The following MTMR3 variants were observed in gnomAD, a reference collection of about 807,000 sequenced individuals.
MTMR3 encodes myotubularin related protein 3, also known as phosphatidylinositol-3,5-bisphosphate 3-phosphatase MTMR3.
A neutral mutation model predicts 132.4 loss-of-function variants in MTMR3; 32 were observed. The ratio of observed to expected loss-of-function variants is 0.24; its 90% CI spans 0.18 to 0.32. The LOEUF is 0.32. Among genes scored for constraint, MTMR3 ranks in the 10% least tolerant of loss-of-function variants. The pLI, the probability that MTMR3 is intolerant of heterozygous loss-of-function variation, is 1.00. For synonymous variants in MTMR3, 556 were observed against 550.3 expected (o/e 1.01, Z -0.14); for missense variants, 1,216 against 1,489.6 (o/e 0.82, Z 3.02).
Position 30,020,347 on chromosome 22 carries a change from G to T in MTMR3, c.2688G>T (p.Gly896=). 1.9e-6 allele frequency: 3 copies of T among 1,614,216 alleles called. No individual in the cohort carries two copies. Among genetic ancestry groups the T allele is most frequent in the Non-Finnish European group, 2.5e-6 (3 of 1,180,036 alleles). ...GCCTGGTCGAGAGGCCCCAAGTGGG[G>T]TCTGTGGTGCATAGGACTTCCCTTG... is the stretch of plus-strand genomic sequence containing the variant. ...ETSLVERPQV[G]SVVHRTSLGS... The change falls in exon 17 of 20, where the codon GGG becomes GGT. Residue 896 remains glycine, a synonymous_variant. Transcript: ENST00000401950.
chr22:29,945,542 TAA>T (rs59993911), intron 1 of MTMR3, among the ~76,000 whole-genome samples: 1,912 of 144,092 alleles, frequency 0.013, 19 homozygotes, highest in Non-Finnish European at 0.021. Flanking sequence ...TATAAAAAAT[TAA>T]AAAAAAAAAA....
At chr22:29,949,367 G>T (rs1243973825) in intron 1 of MTMR3, among the ~76,000 whole-genome samples, 3 of 151,370 alleles carry the variant, frequency 2.0e-5, no homozygotes, top group Non-Finnish European at 4.4e-5. Context: ...GCGGTGGCAG[G>T]CACATGTAGT....
At chr22:29,947,814 TA>T in intron 1 of MTMR3, among the ~76,000 whole-genome samples, 1 of 152,210 alleles carries the variant, frequency 6.6e-6, no homozygotes, top group Non-Finnish European at 1.5e-5. Flanking sequence ...TTACATGAGA[TA>T]AATATTACTA....
intron 1 of MTMR3, among the ~76,000 whole-genome samples, chr22:29,924,029 A>C (rs2065470190): frequency 6.6e-6 from 1 of 152,172 alleles, no homozygotes; most frequent in Non-Finnish European, 1.5e-5. Flanking sequence ...TGGTGCACAA[A>C]AGATTTTCAT....
At chr22:29,907,915 T>C (rs1384943232) in intron 1 of MTMR3, among the ~76,000 whole-genome samples, 1 of 152,206 alleles carries the variant, frequency 6.6e-6, no homozygotes, top group Non-Finnish European at 1.5e-5. Context: ...GTCCAGCAGC[T>C]GACTCACCAA....
At chr22:29,923,870 T>C (rs1320293120) in intron 1 of MTMR3, among the ~76,000 whole-genome samples, 4 of 152,212 alleles carry the variant, frequency 2.6e-5, no homozygotes, top group Non-Finnish European at 4.4e-5. Flanking sequence ...AAAGCCCATA[T>C]TCAAAGCCCT....
chr22:29,965,137 A>T (rs7290085), intron 2 of MTMR3, among the ~76,000 whole-genome samples: 24,354 of 151,912 alleles, frequency 0.16, 2,057 homozygotes, highest in South Asian at 0.24. Flanking sequence ...TATCACATTT[A>T]GCACAATTTG....
intron 13 of MTMR3, 172 bp downstream of exon 13, chr22:30,012,735 T>G: frequency 1.6e-6 from 1 of 614,904 alleles, no homozygotes; most frequent in Non-Finnish European, 2.7e-6. Flanking sequence ...CCACAGTTCT[T>G]GCACCTCTTA....
At chr22:29,991,764 A>G in intron 7 of MTMR3, 94 bp downstream of exon 7, 2 of 1,305,192 alleles carry the variant, frequency 1.5e-6, no homozygotes, top group South Asian at 1.6e-5. Flanking sequence ...AAGCATTCAT[A>G]TATCAATCAG....
rs919166216 is a variant in MTMR3, at chr22:30,030,812, C to G, written c.*5011C>G. ...GCTTTATTAGATTTAAAAGTAAGAT[C>G]TGGTATGAAGAAAGGTTTTGTTTGT... On this transcript the variant is annotated 3_prime_UTR_variant, in exon 20 of 20. Coordinates refer to ENST00000401950, the MANE Select transcript of MTMR3 (RefSeq NM_021090.4). 1 of 152,376 alleles carries G rather than the reference C, an allele frequency of 6.6e-6. No homozygotes were observed. The highest frequency in any genetic ancestry group is 2.4e-5 in the African/African-American group (1 of 41,516). The allele number at this position is 152,376 out of a possible 1,614,324, so 9.4% of individuals were successfully genotyped here. A position where few individuals can be genotyped will look rare whatever the true frequency, so the allele number is the denominator to read the frequency against.
chr22:29,960,724 G>C (rs889063106), intron 2 of MTMR3, among the ~76,000 whole-genome samples: 4 of 152,198 alleles, frequency 2.6e-5, no homozygotes, highest in African/African-American at 9.7e-5. Context: ...GGCTCAGAGA[G>C]GTAGTATGAT....
chr22:29,956,542 T>A (rs972643859), intron 1 of MTMR3, among the ~76,000 whole-genome samples: 1 of 152,216 alleles, frequency 6.6e-6, no homozygotes, highest in South Asian at 2.1e-4. Flanking sequence ...CTACCGTGCC[T>A]GGCTGAATTC....
At chr22:29,946,941 A>G (rs1281389808) in intron 1 of MTMR3, among the ~76,000 whole-genome samples, 1 of 152,194 alleles carries the variant, frequency 6.6e-6, no homozygotes, top group Non-Finnish European at 1.5e-5. Flanking sequence ...AAATACTGGT[A>G]ATAGAGTACT....
chr22:29,904,182 C>G (rs1336232997), intron 1 of MTMR3, among the ~76,000 whole-genome samples: 1 of 152,198 alleles, frequency 6.6e-6, no homozygotes, highest in South Asian at 2.1e-4. Flanking sequence ...ATGGAGGTAG[C>G]AACTGTGGGA....
rs757494076 is a variant in MTMR3 at position 30,020,690 on chromosome 22, T to C, written c.3031T>C (p.Ser1011Pro). 1 of 1,614,094 alleles carries C rather than the reference T, an allele frequency of 6.2e-7. No homozygotes were observed. Among genetic ancestry groups the C allele is most frequent in the East Asian group, 2.2e-5 (1 of 44,868 alleles). ...PSATSSPDQP[S>P]RSHLDDDGMS... ...TGCAACCAGCAGCCCCGACCAGCCT[T>C]CCCGCAGCCACCTGGACGATGATGG... The change falls in exon 17 of 20, where the codon TCC becomes CCC. Residue 1011 changes from serine to proline, a missense_variant. Ser to Pro is a moderately conservative substitution (Grantham distance 74, BLOSUM62 -1). Transcript: ENST00000401950.
At chr22:29,930,597 CG>C (rs907345167) in intron 1 of MTMR3, among the ~76,000 whole-genome samples, 24 of 152,200 alleles carry the variant, frequency 1.6e-4, no homozygotes, top group South Asian at 1.0e-3. Context: ...GAGGCTGAGG[CG>C]GGAGGATAAC....
At chr22:29,908,225 A>C (rs2065140649) in intron 1 of MTMR3, among the ~76,000 whole-genome samples, 1 of 152,214 alleles carries the variant, frequency 6.6e-6, no homozygotes, top group Non-Finnish European at 1.5e-5. Context: ...CCTTATAGTG[A>C]CTGAGGGTAA....
intron 9 of MTMR3, chr22:30,004,827 C>T (rs1373702646): frequency 2.0e-5 from 3 of 152,276 alleles, no homozygotes; most frequent in African/African-American, 4.8e-5. Flanking sequence ...ATGCCTGGAA[C>T]TCTTGACATC....
chr22:30,022,433 C>G, intron 18 of MTMR3, 176 bp from the exon 19 acceptor site: 7 of 636,864 alleles, frequency 1.1e-5, no homozygotes, highest in Non-Finnish European at 2.0e-5. Context: ...AGATTGGAGT[C>G]CCCTCCAGGG....
Sources: gnomAD v4.1 joint callset for allele counts (sites outside exome capture counted in the v4.1 genomes callset) on GRCh38, gnomAD v4.1.1 for gene constraint, MANE v1.5 for transcripts, NCBI Gene and HGNC (gene_info 2026-07-23, HGNC 2026-07-21) for gene names.